The following ZNF140 variants were observed in gnomAD, a reference collection of about 807,000 sequenced individuals.
ZNF140 encodes the protein zinc finger protein 140, also known as zinc finger protein 140 (clone pHZ-39).
Under a neutral mutation model 12.9 loss-of-function variants are expected in ZNF140, and 13 were observed. The ratio of observed to expected loss-of-function variants is 1.01; its 90% CI spans 0.66 to 1.60. ZNF140 has a LOEUF of 1.60. Among genes scored for constraint, ZNF140 ranks in the 40% most tolerant of loss-of-function variants. The pLI, the probability that ZNF140 is intolerant of heterozygous loss-of-function variation, is 0.00. For synonymous variants in ZNF140, 214 were observed against 186.7 expected, an observed-to-expected ratio of 1.15 and a Z score of -1.19; for missense variants, 531 against 548.8, an observed-to-expected ratio of 0.97 and a Z score of 0.32.
chr12:133,081,256 C>CTT lies in ZNF140; in HGVS notation c.-48-15_-48-14dup. 6.7e-7 allele frequency: 1 copy of CTT among 1,488,268 alleles called. No individual in the cohort carries two copies. Among genetic ancestry groups the CTT allele is most frequent in the Non-Finnish European group, 9.2e-7 (1 of 1,090,120 alleles). 92.2% of individuals were successfully genotyped at this position (1,488,268 alleles called of 1,614,324 possible). A position where few individuals can be genotyped will look rare whatever the true frequency, so the allele number is the denominator to read the frequency against. On this transcript the variant is annotated splice_polypyrimidine_tract_variant and intron_variant, in intron 1 of 4. Coordinates refer to ENST00000355557, the MANE Select transcript of ZNF140 (RefSeq NM_003440.4). ...TAGCTGGCCTGTTCGCTCAGGGCTC[C>CTT]TTTCTCTCTCTGCCAGGTCTGCCAT...
intron 4 of ZNF140, among the ~76,000 whole-genome samples, chr12:133,094,322 G>A (rs1954993827): frequency 6.6e-6 from 1 of 150,992 alleles, no homozygotes; most frequent in African/African-American, 2.5e-5. Context: ...TATTATTTAC[G>A]GCTGGTATAG....
chr12:133,081,346 T>TC lies in ZNF140; in HGVS notation c.9+17_9+18insC, dbSNP rs1954473619. On this transcript the variant is annotated intron_variant, in intron 2 of 4. Coordinates refer to ENST00000355557, the MANE Select transcript of ZNF140 (RefSeq NM_003440.4). Reference sequence around the variant, plus strand: ...ATGTCTCAGGTAAGCTAATGATTGATAAATATATATATATATATATATATA... The same window carrying TC: ...ATGTCTCAGGTAAGCTAATGATTGATCAAATATATATATATATATATATATA... 1 of 470,600 alleles carries TC rather than the reference T, an allele frequency of 2.1e-6. No homozygotes were observed. The highest frequency in any genetic ancestry group is 3.5e-6 in the Non-Finnish European group (1 of 283,832). The allele number at this position is 470,600 out of a possible 1,614,324, so 29.2% of individuals were successfully genotyped here.
At chr12:133,099,060 G>C (rs1955236870) in intron 4 of ZNF140, among the ~76,000 whole-genome samples, 1 of 152,158 alleles carries the variant, frequency 6.6e-6, no homozygotes, top group Non-Finnish European at 1.5e-5. Flanking sequence ...ATATTTAGTA[G>C]AGACGGGGTG....
At position 133,091,496 on chromosome 12, in the gene ZNF140, C is replaced by T. The variant is rs906828050; in HGVS notation, c.232+7935C>T. On this transcript the variant is annotated intron_variant, in intron 4 of 4. Coordinates refer to ENST00000355557, the MANE Select transcript of ZNF140 (RefSeq NM_003440.4). ...CAAAATGGAGTCTCTTATGTCTTCC[C>T]TTTCTACATAGGCACAGTGACAGTC... Among the ~76,000 whole-genome samples, 779 of 150,942 alleles carry T rather than the reference C, an allele frequency of 5.2e-3. 43 individuals are homozygous for T. The highest frequency in any genetic ancestry group is 0.018 in the African/African-American group (752 of 40,684).
At chr12:133,084,199 T>C (rs1338157408) in intron 4 of ZNF140, 1 of 431,250 alleles carries the variant, frequency 2.3e-6, no homozygotes, top group Non-Finnish European at 4.5e-6. Flanking sequence ...TTTCTTCAAA[T>C]GGACATACAT....
chr12:133,095,743 A>G (rs962937838), intron 4 of ZNF140, among the ~76,000 whole-genome samples: 96 of 151,458 alleles, frequency 6.3e-4, no homozygotes, highest in Non-Finnish European at 9.4e-4. Context: ...GAGCAAAAGA[A>G]TCTATGTCAT....
intron 4 of ZNF140, among the ~76,000 whole-genome samples, chr12:133,102,898 T>C (rs1275445551): frequency 6.6e-6 from 1 of 152,286 alleles, no homozygotes; most frequent in Non-Finnish European, 1.5e-5. Context: ...AAGGGAAGTG[T>C]GTGAAGGGCT....
rs778661596 is a variant in ZNF140 at position 133,106,428 on chromosome 12, C to G, written c.1151C>G (p.Pro384Arg). 1 of 1,613,894 alleles carries G rather than the reference C, an allele frequency of 6.2e-7. No individual in the cohort carries two copies. The highest frequency in any genetic ancestry group is 2.2e-5 in the East Asian group (1 of 44,854). Residue 384 changes from proline (P) to arginine (R), a missense_variant, in exon 5 of 5, where the codon CCC becomes CGC. Physicochemically the swap from Pro to Arg is moderately radical, Grantham distance 103. Coordinates refer to ENST00000355557, the MANE Select transcript of ZNF140 (RefSeq NM_003440.4). Reference protein sequence around the residue: ...QHTKSHTGEKPYACAECDKAF... With the variant: ...QHTKSHTGEKRYACAECDKAF... ...ACGAAGAGTCACACTGGAGAGAAAC[C>G]CTATGCGTGTGCTGAATGTGATAAA...
chr12:133,084,139 G>A, intron 4 of ZNF140: 2 of 431,088 alleles, frequency 4.6e-6, no homozygotes, highest in South Asian at 3.4e-5. Context: ...CCCATTGTTA[G>A]TTCTGTCTGG....
intron 3 of ZNF140, 63 bp from the exon 4 acceptor site, chr12:133,083,403 C>T: frequency 6.4e-7 from 1 of 1,558,770 alleles, no homozygotes; most frequent in Non-Finnish European, 8.7e-7. Context: ...TCTGACATTT[C>T]CTTTGTGGCC....
At chr12:133,100,985 AGG>A (rs1955326540) in intron 4 of ZNF140, 1 of 455,058 alleles carries the variant, frequency 2.2e-6, no homozygotes, top group Non-Finnish European at 4.4e-6. Flanking sequence ...TATTGAACAA[AGG>A]TAACTGAAGT....
chr12:133,083,615 A>G (rs1009648970), intron 4 of ZNF140, 54 bp downstream of exon 4: 29 of 1,503,246 alleles, frequency 1.9e-5, no homozygotes, highest in South Asian at 5.8e-5. Flanking sequence ...CAATTAGTCA[A>G]TGAAAAAGGA....
chr12:133,100,926 C>CATGAATAATCA (rs1955324839), intron 4 of ZNF140: 2 of 447,524 alleles, frequency 4.5e-6, no homozygotes, highest in Non-Finnish European at 8.9e-6. Context: ...GAATGGTGTA[C>CATGAATAATCA]AGTTTAAACA....
chr12:133,084,294 T>C (rs1954601691), intron 4 of ZNF140: 1 of 331,976 alleles, frequency 3.0e-6, no homozygotes, highest in South Asian at 2.5e-5. Flanking sequence ...CTTGAAAAGA[T>C]TAATTCATTA....
chr12:133,081,218 C>T (rs1360821712), intron 1 of ZNF140, 55 bp from the exon 2 acceptor site: 5 of 898,602 alleles, frequency 5.6e-6, no homozygotes, highest in African/African-American at 1.7e-5. Flanking sequence ...AATCTAGTGA[C>T]TTGGGCGCGG....
intron 4 of ZNF140, among the ~76,000 whole-genome samples, chr12:133,097,210 A>G (rs979380196): frequency 6.6e-6 from 1 of 152,134 alleles, no homozygotes; most frequent in African/African-American, 2.4e-5. Context: ...TTCTGTACTC[A>G]CTTATTCTAA....
At chr12:133,091,120 C>T (rs950211599) in intron 4 of ZNF140, among the ~76,000 whole-genome samples, 19 of 149,750 alleles carry the variant, frequency 1.3e-4, no homozygotes, top group African/African-American at 2.2e-4. Context: ...TTACAGGTGT[C>T]GGGCTGGGGG....
At position 133,096,164 on chromosome 12, in the gene ZNF140, G is replaced by A. The variant is rs1164009268; in HGVS notation, c.233-9346G>A. Among the ~76,000 whole-genome samples the A allele has an allele frequency of 6.9e-5, 10 of 144,164 alleles. No individual in the cohort carries two copies. The East Asian group carries it at 9.8e-4, about 14-fold the overall frequency. The allele number at this position is 144,164 out of a possible 152,430, so 94.6% of individuals were successfully genotyped here. Reference sequence around the variant, plus strand: ...CGCTTCCAAGGGCAGAGGTCCCTGTGGCTTTCTGCAGTGCATGTGCCCCTG... The same window carrying A: ...CGCTTCCAAGGGCAGAGGTCCCTGTAGCTTTCTGCAGTGCATGTGCCCCTG... On this transcript the variant is annotated intron_variant, in intron 4 of 4. Coordinates refer to ENST00000355557, the MANE Select transcript of ZNF140 (RefSeq NM_003440.4).
chr12:133,088,805 T>TTTC (rs147742887), intron 4 of ZNF140, among the ~76,000 whole-genome samples: 4,606 of 152,296 alleles, frequency 0.03, 213 homozygotes, highest in African/African-American at 0.1. Flanking sequence ...ATTGCTTCTA[T>TTTC]TGATATTATG....
Sources: allele counts gnomAD v4.1 joint callset (sites outside exome capture counted in the v4.1 genomes callset), GRCh38; gene constraint gnomAD v4.1.1; transcripts MANE v1.5; gene names NCBI Gene and HGNC (gene_info 2026-07-23, HGNC 2026-07-21).